The following ECI1 variants were observed in gnomAD, a reference collection of about 807,000 sequenced individuals.
The protein encoded by ECI1 is enoyl-CoA delta isomerase 1.
In ECI1, 34 loss-of-function variants were observed where a neutral mutation model predicts 34.2. That is an observed-to-expected ratio of 1.00 (90% confidence interval 0.76 to 1.33). The LOEUF (loss-of-function observed/expected upper bound fraction) is 1.33. ECI1 is among the 40% of genes most tolerant of loss of function. ECI1 has a pLI of 0.00. For missense variants in ECI1, 456 were observed against 422.2 expected (o/e 1.08, Z -0.70); for synonymous variants, 211 against 193.0 (o/e 1.09, Z -0.77).
chr16:2,247,410 T>G (rs577199578), intron 2 of ECI1, among the ~76,000 whole-genome samples: 29 of 151,958 alleles, frequency 1.9e-4, no homozygotes, highest in Non-Finnish European at 3.5e-4. Context: ...TTTATTTACT[T>G]TTTTGAGACG....
chr16:2,249,602 T>C (rs2093548024), intron 2 of ECI1, among the ~76,000 whole-genome samples: 1 of 151,050 alleles, frequency 6.6e-6, no homozygotes, highest in African/African-American at 2.4e-5. Flanking sequence ...CCGGGCGCGG[T>C]GGCTCACGCC....
chr16:2,243,524 G>C, intron 4 of ECI1, 85 bp from the exon 5 acceptor site: 2 of 1,559,346 alleles, frequency 1.3e-6, no homozygotes, highest in Non-Finnish European at 1.7e-6. Context: ...AGGAGGGCCT[G>C]TGCCCTTGGC....
intron 2 of ECI1, among the ~76,000 whole-genome samples, chr16:2,247,809 C>T (rs1187095319): frequency 2.0e-5 from 3 of 152,136 alleles, no homozygotes; most frequent in Admixed American, 6.6e-5. Context: ...TGGGCTCCAG[C>T]GATCCTCCCA....
At chr16:2,242,105 G>C in intron 6 of ECI1, among the ~76,000 whole-genome samples, 1 of 152,022 alleles carries the variant, frequency 6.6e-6, no homozygotes, top group East Asian at 1.9e-4. Context: ...TGATCCGCCC[G>C]CCTCGGCCTC....
chr16:2,243,634 G>A (rs1380094449), intron 4 of ECI1, among the ~76,000 whole-genome samples, 195 bp from the exon 5 acceptor site: 1 of 152,184 alleles, frequency 6.6e-6, no homozygotes, highest in Admixed American at 6.5e-5. Context: ...CTTAGCGCTC[G>A]GCAAGGAGGG....
chr16:2,242,557 G>C (rs367628102), intron 6 of ECI1: 2 of 185,276 alleles, frequency 1.1e-5, no homozygotes, highest in East Asian at 2.7e-4. Context: ...GAACTTGGAA[G>C]TGTGACCTTA....
chr16:2,248,742 C>A lies in ECI1; in HGVS notation c.167-1756G>T, dbSNP rs549654721. ...ATTAGCCATTTTTAAGTAAACAAGT[C>A]AGGCACTTACACAATTCAGTATACT... is the stretch of plus-strand genomic sequence containing the variant. On this transcript the variant is annotated intron_variant, in intron 2 of 6. Coordinates refer to ENST00000301729, the MANE Select transcript of ECI1 (RefSeq NM_001919.4). 5.3e-5 allele frequency among the ~76,000 whole-genome samples: 8 copies of A among 152,294 alleles called. No homozygotes were observed. In the East Asian group the frequency reaches 1.5e-3, roughly 29 times the overall value.
rs2093523170 is a variant in ECI1, at chr16:2,239,680, C to T, written c.*299G>A. The T allele has an allele frequency of 2.3e-6, 1 of 437,144 alleles. No individual in the cohort carries two copies. The highest frequency in any genetic ancestry group is 3.5e-5 in the Admixed American group (1 of 28,794). The allele number at this position is 437,144 out of a possible 1,614,324, so 27.1% of individuals were successfully genotyped here. ...ACCAGGGACTTGACTTACGATTCTG[C>T]CTTGGGAACAGAGACACTCCGTGGC... On this transcript the variant is annotated 3_prime_UTR_variant, in exon 7 of 7. Coordinates refer to ENST00000301729, the MANE Select transcript of ECI1 (RefSeq NM_001919.4).
chr16:2,242,899 C>A (rs1039070357), intron 6 of ECI1, 147 bp downstream of exon 6: 7 of 700,282 alleles, frequency 1.0e-5, no homozygotes. Context: ...CCGGTCTGTG[C>A]TGCGTTGTTA....
rs752178469 is a variant in ECI1 at position 2,246,958 on chromosome 16, G to A, written c.195C>T (p.Pro65=). 6.2e-7 allele frequency: 1 copy of A among 1,613,726 alleles called. No homozygotes were observed. The highest frequency in any genetic ancestry group is 8.5e-7 in the Non-Finnish European group (1 of 1,180,026). ...ACTCCAGGCTCAGGCTGTTCACTGG[G>A]GGGTTCTTGAATTTCATCACAGCGA... is the stretch of plus-strand genomic sequence containing the variant. ...AGVAVMKFKN[P]PVNSLSLEFL... Residue 65 remains proline (P), a synonymous_variant, in exon 3 of 7, where the codon CCC becomes CCT. Transcript: ENST00000301729.
chr16:2,245,093 G>A (rs531795727), intron 3 of ECI1, among the ~76,000 whole-genome samples: 3 of 152,268 alleles, frequency 2.0e-5, no homozygotes, highest in East Asian at 1.9e-4. Flanking sequence ...AGTAGCGGGC[G>A]CCAGCACAGG....
Position 2,239,996 on chromosome 16 carries a change from T to C in ECI1, c.892A>G (p.Lys298Glu). ...KSLQMYLERL[K>E]EEKG ...CCCAATCGTTAGCCTTTTTCTTCTT[T>C]GAGCCTCTCTAAGTACATCTGCAGG... Residue 298 changes from lysine (K) to glutamate (E), a missense_variant, in exon 7 of 7, where the codon AAA becomes GAA. Coordinates refer to ENST00000301729, the MANE Select transcript of ECI1 (RefSeq NM_001919.4). 1.2e-6 allele frequency: 2 copies of C among 1,613,888 alleles called. No homozygotes were observed. The highest frequency in any genetic ancestry group is 1.7e-6 in the Non-Finnish European group (2 of 1,180,038).
intron 3 of ECI1, among the ~76,000 whole-genome samples, chr16:2,246,459 C>T (rs544049886): frequency 1.3e-5 from 2 of 152,276 alleles, no homozygotes; most frequent in South Asian, 4.1e-4. Context: ...CCACAGCTCT[C>T]CCCAGTGTCC....
intron 2 of ECI1, among the ~76,000 whole-genome samples, chr16:2,250,349 C>T (rs569084076): frequency 6.6e-6 from 1 of 152,164 alleles, no homozygotes; most frequent in South Asian, 2.1e-4. Flanking sequence ...CAGGCAGCTC[C>T]CTCAGCCCAG....
intron 3 of ECI1, among the ~76,000 whole-genome samples, chr16:2,245,678 C>T (rs977240739): frequency 6.6e-6 from 1 of 152,130 alleles, no homozygotes; most frequent in African/African-American, 2.4e-5. Flanking sequence ...CCAGCCTGGG[C>T]AACATAGCAA....
chr16:2,250,232 CT>C (rs2093550024), intron 2 of ECI1, among the ~76,000 whole-genome samples: 2 of 125,624 alleles, frequency 1.6e-5, no homozygotes, highest in Non-Finnish European at 3.1e-5. Context: ...GCACTCCAGT[CT>C]GGCGACTGGA....
chr16:2,248,889 T>C (rs930087816), intron 2 of ECI1, among the ~76,000 whole-genome samples: 1 of 152,138 alleles, frequency 6.6e-6, no homozygotes, highest in East Asian at 1.9e-4. Flanking sequence ...AAGCCGCCAG[T>C]CTGCGTTCTG....
intron 2 of ECI1, among the ~76,000 whole-genome samples, chr16:2,247,343 C>T (rs1282813952): frequency 1.3e-5 from 2 of 152,218 alleles, no homozygotes; most frequent in Admixed American, 6.5e-5. Context: ...GATCTGCCCA[C>T]GTCGGCCTCC....
chr16:2,244,542 CCCGGGCGGT>C lies in ECI1; in HGVS notation c.296_304del (p.Asp99_Pro101del). The C allele has an allele frequency of 6.3e-7, 1 of 1,586,126 alleles. No individual in the cohort carries two copies. Among genetic ancestry groups the C allele is most frequent in the Non-Finnish European group, 8.6e-7 (1 of 1,166,818 alleles). ...CAGGTCCAGGCCGGCCGAGAAGACACCCGGGCGGTCCTGCAGGGGGAGCCGGGGCCACAT... is the reference window on the plus strand; with the variant it reads ...CAGGTCCAGGCCGGCCGAGAAGACACCCTGCAGGGGGAGCCGGGGCCACAT... On this transcript the variant is annotated inframe_deletion and splice_region_variant, in exon 4 of 7. Transcript: ENST00000301729.
Sources: allele counts gnomAD v4.1 joint callset (sites outside exome capture counted in the v4.1 genomes callset), GRCh38; gene constraint gnomAD v4.1.1; transcripts MANE v1.5; gene names NCBI Gene and HGNC (gene_info 2026-07-23, HGNC 2026-07-21).